Variants in PRCD observed in about 807,000 individuals in gnomAD.
The protein encoded by PRCD is photoreceptor disc component.
A neutral mutation model predicts 10.1 loss-of-function variants in PRCD; 12 were observed. That is an observed-to-expected ratio of 1.18 (90% confidence interval 0.76 to 1.92). The LOEUF (loss-of-function observed/expected upper bound fraction) is 1.92. Among genes scored for constraint, PRCD ranks in the 40% most tolerant of loss-of-function variants. The pLI, the probability that PRCD is intolerant of heterozygous loss-of-function variation, is 0.00. For missense variants in PRCD, 61 were observed against 72.2 expected, an observed-to-expected ratio of 0.84 and a Z score of 0.56; for synonymous variants, 31 against 26.2, an observed-to-expected ratio of 1.18 and a Z score of -0.56.
Position 76,530,819 on chromosome 17 carries a change from T to C in PRCD, n.45+2986T>C, listed in dbSNP as rs566195081. On this transcript the variant is annotated intron_variant and non_coding_transcript_variant, in intron 1 of 4. Transcript: ENST00000397633. This position sits in a 1 kb window ranked among gnomAD's most constrained non-coding sequence, Gnocchi z 6.1. Reference sequence around the variant, plus strand: ...GGGGAGCCATCTTGAAGGCCTTTCCTATTATGCCTGTTCTTACATGTCAGA... The same window carrying C: ...GGGGAGCCATCTTGAAGGCCTTTCCCATTATGCCTGTTCTTACATGTCAGA... Among the ~76,000 whole-genome samples the C allele has an allele frequency of 6.6e-6, 1 of 152,250 alleles. No individual in the cohort carries two copies. Among genetic ancestry groups the C allele is most frequent in the African/African-American group, 2.4e-5 (1 of 41,546 alleles).
In PRCD at chr17:76,540,394, G is replaced by A. The variant is rs2074976663; in HGVS notation, c.75-111G>A. The A allele has an allele frequency of 1.2e-5, 16 of 1,350,394 alleles. No individual in the cohort carries two copies. Among genetic ancestry groups the A allele is most frequent in the Non-Finnish European group, 1.7e-5 (16 of 942,536 alleles). 83.7% of individuals were successfully genotyped at this position (1,350,394 alleles called of 1,614,324 possible). Reference sequence around the variant, plus strand: ...AGCAGGGGGACTTAGAGCTTCAAAGGCTCTAGTTGCAGCCTCTACTCCCAT... The same window carrying A: ...AGCAGGGGGACTTAGAGCTTCAAAGACTCTAGTTGCAGCCTCTACTCCCAT... On this transcript the variant is annotated intron_variant, in intron 1 of 4. Transcript: ENST00000592014. This position sits in a 1 kb window ranked among gnomAD's most constrained non-coding sequence, Gnocchi z 5.0.
At position 76,529,144 on chromosome 17, in the gene PRCD, G is replaced by A. The variant is rs2074803113; in HGVS notation, n.45+1311G>A. ...GCCCACCCCTGCTTCCCTGATAAGA[G>A]AAGTTGGGCGAGGGCCTTCTAGGAC... On this transcript the variant is annotated intron_variant and non_coding_transcript_variant, in intron 1 of 4. Transcript: ENST00000397633. 3 of 981,418 alleles carry A rather than the reference G, an allele frequency of 3.1e-6. No individual in the cohort carries two copies. The African/African-American group carries it at 5.4e-5, about 18-fold the overall frequency. The allele number at this position is 981,418 out of a possible 1,614,324, so 60.8% of individuals were successfully genotyped here. A position where few individuals can be genotyped will look rare whatever the true frequency, so the allele number is the denominator to read the frequency against.
Position 76,542,633 on chromosome 17 carries a change from G to C in PRCD, c.*59G>C. On this transcript the variant is annotated splice_region_variant and 3_prime_UTR_variant, in exon 3 of 5. Transcript: ENST00000592014. ...AGACTGGGATCAGCTGGCTCAGGCA[G>C]GTAGGGCAGGGCTGGGAGCCGGGGA... 6.2e-7 allele frequency: 1 copy of C among 1,601,254 alleles called. No individual in the cohort carries two copies. The highest frequency in any genetic ancestry group is 8.6e-7 in the Non-Finnish European group (1 of 1,168,356).
chr17:76,529,719 T>G (rs1598200815), intron 1 of PRCD: 1 of 984,938 alleles, frequency 1.0e-6, no homozygotes, highest in Non-Finnish European at 1.2e-6. Context: ...TGACAGCTGG[T>G]GGGGGGTGAG....
chr17:76,535,558 G>C (rs545368589), upstream of PRCD, among the ~76,000 whole-genome samples: 1 of 152,280 alleles, frequency 6.6e-6, no homozygotes, highest in Non-Finnish European at 1.5e-5. Context: ...CTGGGCTCTA[G>C]TCCACAAAGA....
intron 1 of PRCD, among the ~76,000 whole-genome samples, chr17:76,534,703 C>G (rs2074895922): frequency 6.6e-6 from 1 of 152,104 alleles, no homozygotes; most frequent in African/African-American, 2.4e-5. Flanking sequence ...CCAGGCAGGC[C>G]CGCTTTGACA....
chr17:76,543,903 C>T lies in PRCD; in HGVS notation c.*253C>T, dbSNP rs965468615. On this transcript the variant is annotated 3_prime_UTR_variant, in exon 5 of 5. Coordinates refer to ENST00000592014, the MANE Select transcript of PRCD (RefSeq NM_001077620.3). ...TCTGCCTGCAGCTGGATGGGAGCAA[C>T]GGACAGCTTGTCCTCCGAATGTGTT... 20 of 470,830 alleles carry T rather than the reference C, an allele frequency of 4.2e-5. No individual in the cohort carries two copies. The highest frequency in any genetic ancestry group is 2.3e-4 in the Admixed American group (10 of 42,562). 29.2% of individuals were successfully genotyped at this position (470,830 alleles called of 1,614,324 possible). A position where few individuals can be genotyped will look rare whatever the true frequency, so the allele number is the denominator to read the frequency against.
downstream of PRCD, among the ~76,000 whole-genome samples, chr17:76,549,001 G>A (rs2075082291): frequency 1.3e-5 from 2 of 152,166 alleles, no homozygotes; most frequent in African/African-American, 4.8e-5. Flanking sequence ...GACAGTGTGA[G>A]ATTCATAAGG....
At chr17:76,536,052 C>T (rs1356474718), upstream of PRCD, among the ~76,000 whole-genome samples, 1 of 152,164 alleles carries the variant, frequency 6.6e-6, no homozygotes, top group Non-Finnish European at 1.5e-5. Context: ...GTGTGGGTGC[C>T]AGCACCTGTG....
intron 1 of PRCD, chr17:76,529,041 T>TGGGGGGGGG: frequency 9.6e-6 from 8 of 834,162 alleles, no homozygotes; most frequent in Non-Finnish European, 1.1e-5. Context: ...CTGCAGTCAT[T>TGGGGGGGGG]GCGCCCCCCC....
chr17:76,541,190 C>G (rs1567911599), intron 2 of PRCD, among the ~76,000 whole-genome samples: 1 of 152,120 alleles, frequency 6.6e-6, no homozygotes, highest in African/African-American at 2.4e-5. Context: ...CAGTGTCGTT[C>G]GATGATAGGG....
At position 76,528,927 on chromosome 17, in the gene PRCD, C is replaced by A. The variant is rs2074798430; in HGVS notation, n.45+1094C>A. 1 of 1,153,910 alleles carries A rather than the reference C, an allele frequency of 8.7e-7. No individual in the cohort carries two copies. The highest frequency in any genetic ancestry group is 1.6e-5 in the African/African-American group (1 of 62,732). 71.5% of individuals were successfully genotyped at this position (1,153,910 alleles called of 1,614,324 possible). On this transcript the variant is annotated intron_variant and non_coding_transcript_variant, in intron 1 of 4. Coordinates refer to the PRCD transcript ENST00000397633. This position sits in a 1 kb window ranked among gnomAD's most constrained non-coding sequence, Gnocchi z 5.8. ...GCAAAGCACGATACCAATGTGAGCTCTTTTTCCATTAATTCTGAAACGTGG... is the reference window on the plus strand; with the variant it reads ...GCAAAGCACGATACCAATGTGAGCTATTTTTCCATTAATTCTGAAACGTGG...
rs1340108646 is a variant in PRCD, at chr17:76,540,831, CG to C, written c.143+262del. On this transcript the variant is annotated intron_variant, in intron 2 of 4. Transcript: ENST00000592014. This position sits in a 1 kb window ranked among gnomAD's most constrained non-coding sequence, Gnocchi z 5.0. Reference sequence around the variant, plus strand: ...TCATCTCCAGCACGGGGCGGTCCCCCGGGGCACCTTCTGTCAGAAGGCACAG... The same window carrying C: ...TCATCTCCAGCACGGGGCGGTCCCCCGGGCACCTTCTGTCAGAAGGCACAG... 6.6e-6 allele frequency among the ~76,000 whole-genome samples: 1 copy of C among 152,210 alleles called. No individual in the cohort carries two copies. The highest frequency in any genetic ancestry group is 1.5e-5 in the Non-Finnish European group (1 of 68,026).
Position 76,540,584 on chromosome 17 carries a change from A to AG in PRCD, c.143+12dup. The AG allele has an allele frequency of 6.2e-7, 1 of 1,612,496 alleles. No homozygotes were observed. Among genetic ancestry groups the AG allele is most frequent in the Non-Finnish European group, 8.5e-7 (1 of 1,179,486 alleles). On this transcript the variant is annotated intron_variant, in intron 2 of 4. Transcript: ENST00000592014. This position sits in a 1 kb window ranked among gnomAD's most constrained non-coding sequence, Gnocchi z 5.0. Reference sequence around the variant, plus strand: ...TCAGTCCTCAGGCAGGTAAGGCAGGAGTCTGGGCTGGGGGAGGGAGGGTGC... The same window carrying AG: ...TCAGTCCTCAGGCAGGTAAGGCAGGAGGTCTGGGCTGGGGGAGGGAGGGTGC...
chr17:76,537,306 G>T (rs545632808), upstream of PRCD: 247 of 1,340,772 alleles, frequency 1.8e-4, no homozygotes, highest in African/African-American at 3.6e-3. Flanking sequence ...CTGGGGAGGT[G>T]GCGCTGGAGC....
At chr17:76,537,438 A>C, upstream of PRCD, 1 of 1,598,812 alleles carries the variant, frequency 6.3e-7, no homozygotes, top group Admixed American at 1.7e-5. Context: ...CGCAGTTGGC[A>C]TAGAGCCGGG....
intron 4 of PRCD, 30 bp downstream of exon 4, chr17:76,543,151 G>A (rs1567912516): frequency 4.3e-6 from 2 of 466,578 alleles, no homozygotes; most frequent in Non-Finnish European, 8.9e-6. Context: ...CCCGGGACCT[G>A]CCAGTCTCCC....
In PRCD at chr17:76,528,519, C is replaced by G; in HGVS notation, n.45+686C>G. ...CCAGAAATGGAGCGTCAAGGAGGGT[C>G]TTCAGAACTCGGCCTTCTGCTCGAG... On this transcript the variant is annotated intron_variant and non_coding_transcript_variant, in intron 1 of 4. Transcript: ENST00000397633. The surrounding 1 kb of genome is among the most constrained non-coding windows in gnomAD (Gnocchi z 5.8). The G allele has an allele frequency of 4.8e-6, 6 of 1,258,342 alleles. No individual in the cohort carries two copies. Among genetic ancestry groups the G allele is most frequent in the Non-Finnish European group, 6.1e-6 (6 of 982,356 alleles). 77.9% of individuals were successfully genotyped at this position (1,258,342 alleles called of 1,614,324 possible).
chr17:76,534,823 G>C (rs2074897668), intron 1 of PRCD, among the ~76,000 whole-genome samples: 1 of 152,236 alleles, frequency 6.6e-6, no homozygotes, highest in Admixed American at 6.5e-5. Flanking sequence ...AGGAATGACA[G>C]TCTCAGGGAG....
Sources: gnomAD v4.1 joint callset for allele counts (sites outside exome capture counted in the v4.1 genomes callset) on GRCh38, gnomAD v4.1.1 for gene constraint, Gnocchi (gnomAD v3.1) non-coding constraint, MANE v1.5 for transcripts, NCBI Gene and HGNC (gene_info 2026-07-23, HGNC 2026-07-21) for gene names.